Variants in FAT3 observed in about 807,000 individuals in gnomAD.
FAT3 encodes the protein protocadherin Fat 3.
FAT3 carries 95 observed loss-of-function variants against 310.2 expected under a neutral mutation model. The observed-to-expected ratio is 0.31, with a 90% CI of 0.26 to 0.36. The LOEUF is 0.36. Ranked by LOEUF, FAT3 falls within the 10% of genes least tolerant of loss-of-function variation. The pLI, the probability that FAT3 is intolerant of heterozygous loss-of-function variation, is 1.00. For synonymous variants in FAT3, 2,314 were observed against 2,192.9 expected, an observed-to-expected ratio of 1.06 and a Z score of -1.54; for missense variants, 5,408 against 5,715.6, an observed-to-expected ratio of 0.95 and a Z score of 1.74.
chr11:92,484,826 AG>A (rs1425638484), intron 2 of FAT3, among the ~76,000 whole-genome samples: 4 of 152,214 alleles, frequency 2.6e-5, no homozygotes, highest in Non-Finnish European at 5.9e-5. Flanking sequence ...ATCAGGCTGC[AG>A]GGTTGTTAGA....
At chr11:92,819,271 G>C (rs1335628104) in intron 13 of FAT3, among the ~76,000 whole-genome samples, 1 of 152,192 alleles carries the variant, frequency 6.6e-6, no homozygotes, top group South Asian at 2.1e-4. Context: ...AACAGTCTCA[G>C]TATCACCTGG....
intron 1 of FAT3, among the ~76,000 whole-genome samples, chr11:92,281,292 G>A (rs1346486198): frequency 6.6e-6 from 1 of 152,008 alleles, no homozygotes; most frequent in African/African-American, 2.4e-5. Flanking sequence ...ATTAATAGAA[G>A]CTCTTTAGAT....
chr11:92,822,203 A>T (rs1947985223), intron 13 of FAT3, among the ~76,000 whole-genome samples: 1 of 152,180 alleles, frequency 6.6e-6, no homozygotes, highest in Admixed American at 6.5e-5. Flanking sequence ...CAAGTGTTTT[A>T]GCACAGTCCC....
At chr11:92,245,490 TAAAA>T (rs890830073) in intron 1 of FAT3, among the ~76,000 whole-genome samples, 7 of 151,982 alleles carry the variant, frequency 4.6e-5, no homozygotes, top group African/African-American at 1.7e-4. Flanking sequence ...TAAAGTATAA[TAAAA>T]AAGAATGTAT....
In FAT3 at chr11:92,895,273, T is replaced by C. The variant is rs1950006591; in HGVS notation, c.*4160T>C. 6.6e-6 allele frequency: 1 copy of C among 152,252 alleles called. No individual in the cohort carries two copies. Among genetic ancestry groups the C allele is most frequent in the Non-Finnish European group, 1.5e-5 (1 of 68,042 alleles). 9.4% of individuals were successfully genotyped at this position (152,252 alleles called of 1,614,324 possible). On this transcript the variant is annotated 3_prime_UTR_variant, in exon 28 of 28. Transcript: ENST00000525166. The stretch of plus-strand genomic sequence containing the variant: ...GGTTATATGTTTTTGCTGGTTTGTG[T>C]CCCACAGTGTTCAACTGCACATTAT...
chr11:92,801,004 G>A lies in FAT3; in HGVS notation c.7991G>A (p.Gly2664Asp), dbSNP rs752896594. The change falls in exon 10 of 28, where the codon GGT becomes GAT. Residue 2664 changes from glycine (G) to aspartate (D), a missense_variant. Gly to Asp is a moderately conservative substitution (Grantham distance 94). Around this residue, in one of 5 missense-constraint regions of FAT3, gnomAD observed 4,588 missense variants for 4,809.8 expected, o/e 0.95. Coordinates refer to ENST00000525166, the MANE Select transcript of FAT3 (RefSeq NM_001367949.2). Reference protein sequence around the residue: ...DPDNGWMVTKGNFNQLKNTVL... With the variant: ...DPDNGWMVTKDNFNQLKNTVL... ...GACAATGGCTGGATGGTCACAAAGG[G>A]TAATTTTAACCAGCTGAAAAATACA... is the stretch of plus-strand genomic sequence containing the variant. 1 of 1,613,546 alleles carries A rather than the reference G, an allele frequency of 6.2e-7. No homozygotes were observed. Among genetic ancestry groups the A allele is most frequent in the Admixed American group, 1.7e-5 (1 of 59,968 alleles).
chr11:92,566,507 G>T (rs1170737034), intron 3 of FAT3, among the ~76,000 whole-genome samples: 1 of 151,332 alleles, frequency 6.6e-6, no homozygotes, highest in Non-Finnish European at 1.5e-5. Context: ...AGCTACCAAT[G>T]ACTTTCTTCA....
intron 2 of FAT3, among the ~76,000 whole-genome samples, chr11:92,381,050 A>G (rs1435642685): frequency 1.3e-5 from 2 of 152,192 alleles, no homozygotes; most frequent in Non-Finnish European, 2.9e-5. Context: ...TTCCCTGGCA[A>G]TGACCAGTCT....
intron 7 of FAT3, among the ~76,000 whole-genome samples, chr11:92,786,883 G>A (rs1028034413): frequency 6.6e-6 from 1 of 152,184 alleles, no homozygotes; most frequent in African/African-American, 2.4e-5. Context: ...TGAATTAACT[G>A]ATTCATCTAC....
rs755733996 is a variant in FAT3, at chr11:92,882,990, G to C, written c.12534G>C (p.Lys4178Asn). Residue 4178 changes from lysine (K) to asparagine (N), a missense_variant, in exon 24 of 28, where the codon AAG (lysine) becomes AAC (asparagine). Physicochemically the swap from Lys to Asn is moderately conservative, Grantham distance 94. Around this residue, in one of 5 missense-constraint regions of FAT3, gnomAD observed 649 missense variants for 666.2 expected, o/e 0.97. Coordinates refer to ENST00000525166, the MANE Select transcript of FAT3 (RefSeq NM_001367949.2). ...LVVLFIVFRK[K>N]VFRKNYSRNN... ...TTCTCTTCATAGTCTTCCGCAAGAA[G>C]GTCTTCCGCAAGAACTACTCCCGCA... The C allele has an allele frequency of 6.2e-7, 1 of 1,613,798 alleles. No individual in the cohort carries two copies. The highest frequency in any genetic ancestry group is 8.5e-7 in the Non-Finnish European group (1 of 1,179,902).
chr11:92,412,883 C>T (rs1381978980), intron 2 of FAT3, among the ~76,000 whole-genome samples: 2 of 151,140 alleles, frequency 1.3e-5, no homozygotes, highest in Non-Finnish European at 2.9e-5. Context: ...TCCCTATAGT[C>T]GATATCCCCA....
intron 2 of FAT3, among the ~76,000 whole-genome samples, chr11:92,505,672 G>A (rs1435010957): frequency 6.6e-6 from 1 of 151,992 alleles, no homozygotes. Context: ...GACTAACTAG[G>A]TGTTTGTTTG....
chr11:92,459,024 C>G (rs1373768000), intron 2 of FAT3, among the ~76,000 whole-genome samples: 1 of 152,110 alleles, frequency 6.6e-6, no homozygotes, highest in Non-Finnish European at 1.5e-5. Flanking sequence ...TTCTCCATAT[C>G]AAAAAAGGCA....
chr11:92,403,754 G>A (rs1298123887), intron 2 of FAT3, among the ~76,000 whole-genome samples: 1 of 152,094 alleles, frequency 6.6e-6, no homozygotes, highest in Non-Finnish European at 1.5e-5. Flanking sequence ...ACAAGTATGG[G>A]GGCCGGGTGC....
In FAT3 at chr11:92,843,838, C is replaced by CGTAAAG; in HGVS notation, c.10567-92_10567-87dup. On this transcript the variant is annotated intron_variant, in intron 18 of 27. Transcript: ENST00000525166. ...GGCAAGGAATGAAGGAAGAAGCAAA[C>CGTAAAG]GTAAAGGTACAGACGTCTTCTATCT... is the stretch of plus-strand genomic sequence containing the variant. 3.4e-6 allele frequency: 4 copies of CGTAAAG among 1,175,092 alleles called. No homozygotes were observed. The South Asian group carries it at 6.0e-5, about 18-fold the overall frequency. 72.8% of individuals were successfully genotyped at this position (1,175,092 alleles called of 1,614,324 possible). A position where few individuals can be genotyped will look rare whatever the true frequency, so the allele number is the denominator to read the frequency against.
At chr11:92,367,693 C>T (rs1949063828) in intron 2 of FAT3, among the ~76,000 whole-genome samples, 2 of 152,142 alleles carry the variant, frequency 1.3e-5, no homozygotes, top group Non-Finnish European at 2.9e-5. Flanking sequence ...TCTAATTGTA[C>T]ACCATGTGGT....
At chr11:92,518,529 G>A (rs1405889739) in intron 2 of FAT3, among the ~76,000 whole-genome samples, 2 of 152,050 alleles carry the variant, frequency 1.3e-5, no homozygotes, top group East Asian at 3.9e-4. Context: ...GGGGCTAGGG[G>A]AGAGATAGCA....
At chr11:92,822,373 G>A (rs895546838) in intron 13 of FAT3, among the ~76,000 whole-genome samples, 26 of 151,186 alleles carry the variant, frequency 1.7e-4, no homozygotes, top group Admixed American at 3.9e-4. Flanking sequence ...TCGAACACTC[G>A]GCAATGCAGA....
At chr11:92,369,720 G>A (rs775567086) in intron 2 of FAT3, among the ~76,000 whole-genome samples, 1 of 152,060 alleles carries the variant, frequency 6.6e-6, no homozygotes, top group Non-Finnish European at 1.5e-5. Flanking sequence ...GGTAGCACAC[G>A]CCTGTAGTCC....
Sources: allele counts gnomAD v4.1 joint callset (sites outside exome capture counted in the v4.1 genomes callset), GRCh38; gene constraint gnomAD v4.1.1; regional missense constraint gnomAD v4.1.1; transcripts MANE v1.5; gene names NCBI Gene and HGNC (gene_info 2026-07-23, HGNC 2026-07-21).